The following TNRC6B variants were observed in gnomAD, a reference collection of about 807,000 sequenced individuals.
The protein encoded by TNRC6B is trinucleotide repeat containing adaptor 6B, also known as trinucleotide repeat-containing gene 6B protein.
Under a neutral mutation model 203.6 loss-of-function variants are expected in TNRC6B, and 52 were observed. The observed-to-expected ratio is 0.26, with a 90% CI of 0.20 to 0.32. The LOEUF (loss-of-function observed/expected upper bound fraction) is 0.32. TNRC6B is among the 10% of genes least tolerant of loss of function. The pLI, the probability that TNRC6B is intolerant of heterozygous loss-of-function variation, is 1.00. For missense variants in TNRC6B, 1,923 were observed against 2,286.2 expected (o/e 0.84, Z 3.24); for synonymous variants, 838 against 845.7 (o/e 0.99, Z 0.16).
intron 7 of TNRC6B, among the ~76,000 whole-genome samples, chr22:40,275,145 T>C (rs1214060708): frequency 6.6e-6 from 1 of 152,236 alleles, no homozygotes; most frequent in East Asian, 1.9e-4. Context: ...TGTTTCTGTT[T>C]AGAGATGTTT....
chr22:40,086,163 G>C (rs1306752375), intron 1 of TNRC6B, among the ~76,000 whole-genome samples: 1 of 152,146 alleles, frequency 6.6e-6, no homozygotes, highest in East Asian at 1.9e-4. Context: ...GAGCCACCAT[G>C]CTTGGCCAGA....
intron 4 of TNRC6B, among the ~76,000 whole-genome samples, chr22:40,159,646 TA>T (rs986492223): frequency 9.6e-5 from 13 of 135,582 alleles, no homozygotes; most frequent in African/African-American, 3.0e-4. Flanking sequence ...CTTAAAACAT[TA>T]AAAAAAAAAT....
At chr22:40,167,519 A>G (rs986423769) in intron 4 of TNRC6B, among the ~76,000 whole-genome samples, 1 of 152,098 alleles carries the variant, frequency 6.6e-6, no homozygotes, top group African/African-American at 2.4e-5. Context: ...AGCAGAGTGA[A>G]TATACATAAT....
chr22:40,181,523 A>G (rs2069128823), intron 1 of TNRC6B, among the ~76,000 whole-genome samples: 1 of 152,258 alleles, frequency 6.6e-6, no homozygotes, highest in Admixed American at 6.5e-5. Flanking sequence ...AAGGAGTACC[A>G]GGTCAGCATT....
At chr22:40,145,472 C>T (rs1189253470) in intron 3 of TNRC6B, among the ~76,000 whole-genome samples, 1 of 152,106 alleles carries the variant, frequency 6.6e-6, no homozygotes, top group East Asian at 1.9e-4. Context: ...AACTGCAGTA[C>T]CTGCAGTAGA....
chr22:40,119,067 C>T (rs1005647612), intron 2 of TNRC6B, among the ~76,000 whole-genome samples: 4 of 152,180 alleles, frequency 2.6e-5, no homozygotes, highest in Non-Finnish European at 5.9e-5. Context: ...CAGGCAAGGG[C>T]TGGATCCTGG....
chr22:40,220,758 C>T (rs542901390), intron 1 of TNRC6B, among the ~76,000 whole-genome samples: 7 of 152,216 alleles, frequency 4.6e-5, no homozygotes, highest in Middle Eastern at 3.4e-3. Context: ...AATTGGCAGG[C>T]GCTTGCTTTC....
chr22:40,171,577 T>C (rs6001821), intron 4 of TNRC6B, among the ~76,000 whole-genome samples: 103,182 of 152,034 alleles, frequency 0.68, 36,775 homozygotes, highest in African/African-American at 0.9. Flanking sequence ...GTATTTTTTT[T>C]TAGATCCCAA....
chr22:40,246,110 T>G lies in TNRC6B; in HGVS notation c.93+8T>G. ...AAAGAAGCCACTCAGAAGGTAGGTT[T>G]AATCAGTTAAGTCTGTCTTTTTATC... On this transcript the variant is annotated splice_region_variant and intron_variant, in intron 2 of 22. Transcript: ENST00000454349. 1 of 1,542,960 alleles carries G rather than the reference T, an allele frequency of 6.5e-7. No homozygotes were observed. The highest frequency in any genetic ancestry group is 8.7e-7 in the Non-Finnish European group (1 of 1,142,992).
intron 1 of TNRC6B, among the ~76,000 whole-genome samples, chr22:40,109,214 T>C (rs1343800564): frequency 6.6e-6 from 1 of 152,222 alleles, no homozygotes; most frequent in Non-Finnish European, 1.5e-5. Context: ...TCCATGTCTT[T>C]GCTGTTGTGA....
At chr22:40,185,709 G>A (rs1328722955) in intron 1 of TNRC6B, among the ~76,000 whole-genome samples, 1 of 152,154 alleles carries the variant, frequency 6.6e-6, no homozygotes, top group Non-Finnish European at 1.5e-5. Context: ...GTGGGGACCT[G>A]TTGAAAATTT....
At chr22:40,089,088 T>C (rs2068125919) in intron 1 of TNRC6B, among the ~76,000 whole-genome samples, 1 of 152,066 alleles carries the variant, frequency 6.6e-6, no homozygotes, top group South Asian at 2.1e-4. Context: ...GTGTATATTG[T>C]CAGAAAAAAA....
intron 5 of TNRC6B, 135 bp from the exon 6 acceptor site, chr22:40,269,986 CT>C: frequency 1.2e-6 from 1 of 847,272 alleles, no homozygotes; most frequent in Non-Finnish European, 1.7e-6. Flanking sequence ...CCAAATACCC[CT>C]CACATGAAAG....
At chr22:40,052,899 TTC>T (rs1481188505) in intron 1 of TNRC6B, among the ~76,000 whole-genome samples, 5 of 152,236 alleles carry the variant, frequency 3.3e-5, no homozygotes, top group Non-Finnish European at 7.3e-5. Context: ...TTACCTTCTA[TTC>T]TCTTTTATTC....
rs2071447811 is a variant in TNRC6B, at chr22:40,329,987, T to G, written c.*6746T>G. On this transcript the variant is annotated 3_prime_UTR_variant, in exon 23 of 23. Coordinates refer to ENST00000454349, the MANE Select transcript of TNRC6B (RefSeq NM_001162501.2). ...TTCAGTTCTTCACTGTGACAAATGC[T>G]TATCTTGTTCATGGGAGGGGAAAGA... The G allele has an allele frequency of 6.6e-6, 1 of 152,234 alleles. No homozygotes were observed. 9.4% of individuals were successfully genotyped at this position (152,234 alleles called of 1,614,324 possible). A position where few individuals can be genotyped will look rare whatever the true frequency, so the allele number is the denominator to read the frequency against.
intron 3 of TNRC6B, among the ~76,000 whole-genome samples, chr22:40,257,479 G>C (rs1408094694): frequency 6.6e-6 from 1 of 152,236 alleles, no homozygotes; most frequent in African/African-American, 2.4e-5. Flanking sequence ...CACTTTGGGA[G>C]GCTGAGGCAG....
At chr22:40,095,664 A>G (rs868486258) in intron 1 of TNRC6B, among the ~76,000 whole-genome samples, 10 of 150,254 alleles carry the variant, frequency 6.7e-5, no homozygotes, top group African/African-American at 2.5e-4. Context: ...TTATCCTTTA[A>G]GTAACTGAGT....
At chr22:40,045,832 G>A (rs1215961579) in intron 1 of TNRC6B, among the ~76,000 whole-genome samples, 4 of 152,154 alleles carry the variant, frequency 2.6e-5, no homozygotes, top group African/African-American at 9.7e-5. Context: ...GCGCCTTAAG[G>A]ACCAGCTTAT....
intron 1 of TNRC6B, among the ~76,000 whole-genome samples, chr22:40,084,460 C>T (rs549414416): frequency 1.3e-4 from 20 of 152,186 alleles, no homozygotes; most frequent in South Asian, 2.1e-4. Flanking sequence ...GTATGTTAAC[C>T]GTAGTGACTA....
Sources: gnomAD v4.1 joint callset for allele counts (sites outside exome capture counted in the v4.1 genomes callset) on GRCh38, gnomAD v4.1.1 for gene constraint, MANE v1.5 for transcripts, NCBI Gene and HGNC (gene_info 2026-07-23, HGNC 2026-07-21) for gene names.